PTBP3: variants seen among roughly 807,000 people sequenced by gnomAD.
The protein encoded by PTBP3 is polypyrimidine tract binding protein 3.
Under a neutral mutation model 58.7 loss-of-function variants are expected in PTBP3, and 20 were observed. That is an observed-to-expected ratio of 0.34 (90% CI 0.24 to 0.50). The LOEUF is 0.50. Among genes scored for constraint, PTBP3 ranks in the 20% least tolerant of loss-of-function variants. PTBP3 has a pLI of 0.98. For synonymous variants in PTBP3, 185 were observed against 219.8 expected (o/e 0.84, Z 1.40); for missense variants, 509 against 637.2 (o/e 0.80, Z 2.17).
chr9:112,255,150 A>C (rs1461948157), intron 5 of PTBP3, among the ~76,000 whole-genome samples: 1 of 152,180 alleles, frequency 6.6e-6, no homozygotes, highest in East Asian at 1.9e-4. Context: ...GAGGAACCTA[A>C]GGTGTAGTCA....
chr9:112,293,185 C>A (rs1828521442), intron 2 of PTBP3, among the ~76,000 whole-genome samples: 1 of 152,028 alleles, frequency 6.6e-6, no homozygotes, highest in Admixed American at 6.6e-5. Flanking sequence ...ACACAAAAAA[C>A]TAACTTATGA....
chr9:112,278,451 A>G (rs563889737), intron 2 of PTBP3, among the ~76,000 whole-genome samples: 10 of 152,330 alleles, frequency 6.6e-5, no homozygotes, highest in African/African-American at 2.4e-4. Flanking sequence ...GAAACTTTCT[A>G]AAGGCATGAA....
intron 2 of PTBP3, among the ~76,000 whole-genome samples, chr9:112,287,937 A>T (rs7022665): frequency 0.84 from 127,844 of 152,088 alleles, 54,019 homozygotes; most frequent in African/African-American, 0.92. Flanking sequence ...TATGGGTCAC[A>T]TTTTTTTGGT....
chr9:112,242,138 ATTTTTTAGAG>A (rs1379368575), intron 7 of PTBP3, among the ~76,000 whole-genome samples: 1 of 152,092 alleles, frequency 6.6e-6, no homozygotes, highest in Non-Finnish European at 1.5e-5. Flanking sequence ...TTATTTATAT[ATTTTTTAGAG>A]ATGGGGTCTG....
intron 7 of PTBP3, among the ~76,000 whole-genome samples, chr9:112,249,746 G>C (rs897798068): frequency 6.6e-6 from 1 of 151,452 alleles, no homozygotes; most frequent in Non-Finnish European, 1.5e-5. Context: ...TGCACCAAGA[G>C]TATATAATCA....
chr9:112,323,104 T>C (rs1424793483), intron 1 of PTBP3, among the ~76,000 whole-genome samples: 1 of 152,176 alleles, frequency 6.6e-6, no homozygotes, highest in African/African-American at 2.4e-5. Flanking sequence ...TGTTTAAAAT[T>C]AGCCGGGCAT....
At chr9:112,291,040 G>A (rs1828396494) in intron 2 of PTBP3, among the ~76,000 whole-genome samples, 1 of 152,064 alleles carries the variant, frequency 6.6e-6, no homozygotes, top group South Asian at 2.1e-4. Flanking sequence ...TGGCCAACAA[G>A]GTGAAACCCC....
intron 8 of PTBP3, among the ~76,000 whole-genome samples, chr9:112,233,272 G>GGT (rs72086685): frequency 0.018 from 2,648 of 144,324 alleles, 32 homozygotes; most frequent in Non-Finnish European, 0.024. Flanking sequence ...TACACTGTAG[G>GGT]GTGTGTGTGT....
At chr9:112,261,066 A>G in intron 5 of PTBP3, among the ~76,000 whole-genome samples, 1 of 152,146 alleles carries the variant, frequency 6.6e-6, no homozygotes, top group Non-Finnish European at 1.5e-5. Context: ...TACAGTAGCA[A>G]CCCCGGAACA....
At chr9:112,308,761 T>G (rs1344919760) in intron 1 of PTBP3, among the ~76,000 whole-genome samples, 1 of 152,068 alleles carries the variant, frequency 6.6e-6, no homozygotes, top group Non-Finnish European at 1.5e-5. Flanking sequence ...AACAACACTG[T>G]GTGTTTCTAA....
At chr9:112,309,313 C>T (rs1479458638) in intron 1 of PTBP3, among the ~76,000 whole-genome samples, 1 of 152,002 alleles carries the variant, frequency 6.6e-6, no homozygotes, top group Admixed American at 6.6e-5. Flanking sequence ...AAAACTCATA[C>T]TGGTTCTGCT....
chr9:112,361,037 T>A, the PTBP3 span, among the ~76,000 whole-genome samples: 1 of 152,228 alleles, frequency 6.6e-6, no homozygotes, highest in East Asian at 1.9e-4. Flanking sequence ...CAATCTCCTA[T>A]ATACTTGAAA....
intron 2 of PTBP3, among the ~76,000 whole-genome samples, chr9:112,290,707 T>TATATACACACACAC (rs377603008): frequency 9.0e-6 from 1 of 110,958 alleles, no homozygotes; most frequent in African/African-American, 3.9e-5. Flanking sequence ...TATATATATA[T>TATATACACACACAC]ACACACACAC....
At chr9:112,267,566 C>T (rs1449503617) in intron 4 of PTBP3, among the ~76,000 whole-genome samples, 2 of 152,140 alleles carry the variant, frequency 1.3e-5, no homozygotes, top group African/African-American at 4.8e-5. Context: ...AAAGACTCAA[C>T]GTGTGCTACA....
intron 5 of PTBP3, among the ~76,000 whole-genome samples, chr9:112,261,102 T>C (rs73537751): frequency 1.5e-3 from 226 of 152,338 alleles, no homozygotes; most frequent in African/African-American, 5.3e-3. Flanking sequence ...CACATTAGTC[T>C]TCAATGCCAC....
chr9:112,348,753 G>T, the PTBP3 span, among the ~76,000 whole-genome samples: 1 of 152,068 alleles, frequency 6.6e-6, no homozygotes, highest in East Asian at 1.9e-4. Flanking sequence ...TATGCCTTAT[G>T]CCCTTCTTTC....
intron 5 of PTBP3, 58 bp downstream of exon 5, chr9:112,262,377 A>C (rs979554607): frequency 3.6e-6 from 5 of 1,402,498 alleles, no homozygotes; most frequent in Non-Finnish European, 4.8e-6. Context: ...ATAAAACATC[A>C]AAAGTTTCAG....
At chr9:112,281,224 C>G (rs1827850529) in intron 2 of PTBP3, 1 of 207,714 alleles carries the variant, frequency 4.8e-6, no homozygotes, top group South Asian at 9.3e-5. Context: ...TTATCTCCAA[C>G]TTTCATGCTA....
the PTBP3 span, among the ~76,000 whole-genome samples, chr9:112,346,253 T>C: frequency 3.3e-5 from 5 of 152,018 alleles, no homozygotes; most frequent in Non-Finnish European, 7.4e-5. Flanking sequence ...CTGCAACCTT[T>C]GTCTCCTGGG....
Sources: allele counts gnomAD v4.1 joint callset (sites outside exome capture counted in the v4.1 genomes callset), GRCh38; gene constraint gnomAD v4.1.1; transcripts MANE v1.5; gene names NCBI Gene and HGNC (gene_info 2026-07-23, HGNC 2026-07-21).